The following INTS7 variants were observed in gnomAD, a reference collection of about 807,000 sequenced individuals.
INTS7 encodes the protein chromosome 1 open reading frame 73.
In INTS7, 46 loss-of-function variants were observed where a neutral mutation model predicts 109.2. The ratio of observed to expected loss-of-function variants is 0.42; its 90% CI spans 0.33 to 0.54. INTS7 has a LOEUF of 0.54. INTS7 is among the 20% of genes least tolerant of loss of function. INTS7 has a pLI of 0.07. For synonymous variants in INTS7, 412 were observed against 402.9 expected, an observed-to-expected ratio of 1.02 and a Z score of -0.27; for missense variants, 929 against 1,132.4, an observed-to-expected ratio of 0.82 and a Z score of 2.58.
rs756449271 is a variant in INTS7, at chr1:211,941,846, C to T, written c.2867G>A (p.Arg956His). 1.9e-6 allele frequency: 3 copies of T among 1,614,012 alleles called. No homozygotes were observed. Among genetic ancestry groups the T allele is most frequent in the East Asian group, 2.2e-5 (1 of 44,888 alleles). The part of the protein sequence containing the change: ...AQQPLQQQQQ[R>H]NAYTRF Reference sequence around the variant, plus strand: ...TGGTTAAAACCGTGTGTAGGCATTGCGTTGCTGCTGCTGCTGTAATGGCTG... The same window carrying T: ...TGGTTAAAACCGTGTGTAGGCATTGTGTTGCTGCTGCTGCTGTAATGGCTG... The change falls in exon 20 of 20, where the codon CGC becomes CAC. Residue 956 changes from arginine to histidine, a missense_variant. Physicochemically the swap from Arg to His is conservative, Grantham distance 29. Transcript: ENST00000366994.
chr1:211,952,161 C>T (rs1663122186), intron 17 of INTS7, among the ~76,000 whole-genome samples: 1 of 152,168 alleles, frequency 6.6e-6, no homozygotes, highest in African/African-American at 2.4e-5. Context: ...CTACTAATGC[C>T]TGGGCCACAA....
intron 16 of INTS7, among the ~76,000 whole-genome samples, chr1:211,958,157 C>T (rs1285624390): frequency 1.3e-5 from 2 of 151,638 alleles, no homozygotes; most frequent in African/African-American, 4.8e-5. Context: ...AATTTTCCTT[C>T]AGCCTAAAAA....
intron 17 of INTS7, among the ~76,000 whole-genome samples, chr1:211,950,291 G>A (rs1663028894): frequency 2.0e-5 from 3 of 152,166 alleles, no homozygotes; most frequent in Non-Finnish European, 1.5e-5. Flanking sequence ...ATTTATTTGA[G>A]ATGAAGTTTC....
chr1:212,006,664 T>C lies in INTS7; in HGVS notation c.854A>G (p.His285Arg). The change falls in exon 7 of 20, where the codon CAT becomes CGT. Residue 285 changes from histidine to arginine, a missense_variant. His to Arg is a conservative substitution (Grantham distance 29). Coordinates refer to ENST00000366994, the MANE Select transcript of INTS7 (RefSeq NM_015434.4). ...CTGAATATTCTCCCTACTCCAAGTA[T>C]GTGGTGTTTTATTAGCAAGTAATTT... Reference protein sequence around the residue: ...DLKLLANKTPHTWSRENIQAL... With the variant: ...DLKLLANKTPRTWSRENIQAL... 6.4e-7 allele frequency: 1 copy of C among 1,570,480 alleles called. No homozygotes were observed. Among genetic ancestry groups the C allele is most frequent in the Non-Finnish European group, 8.7e-7 (1 of 1,143,068 alleles).
rs12128764 is a variant in INTS7 at position 212,032,364 on chromosome 1, G to C, written c.94+2980C>G. On this transcript the variant is annotated intron_variant, in intron 1 of 19. Transcript: ENST00000366994. Reference sequence around the variant, plus strand: ...CCAGACTGATACTTTTCAAAGGAAAGTCAGATCATGTCACACACCTGCTGA... The same window carrying C: ...CCAGACTGATACTTTTCAAAGGAAACTCAGATCATGTCACACACCTGCTGA... Among the ~76,000 whole-genome samples the C allele has an allele frequency of 7.8e-3, 1,194 of 152,200 alleles. 5 individuals are homozygous for C. The highest frequency in any genetic ancestry group is 0.014 in the Non-Finnish European group (929 of 68,010).
chr1:211,976,649 T>G lies in INTS7; in HGVS notation c.1541A>C (p.Lys514Thr). Residue 514 changes from lysine (K) to threonine (T), a missense_variant, in exon 12 of 20, where the codon AAG (lysine) becomes ACG (threonine). Physicochemically the swap from Lys to Thr is moderately conservative, Grantham distance 78 (BLOSUM62 -1). Around this residue, in one of 2 missense-constraint regions of INTS7, gnomAD observed 787 missense variants for 901.1 expected, o/e 0.87. Transcript: ENST00000366994. Reference sequence around the variant, plus strand: ...ATTGGAGACACTTTCAAGCTGCTGCTTAATTACTGCCTTACTTTCCACAGA... The same window carrying G: ...ATTGGAGACACTTTCAAGCTGCTGCGTAATTACTGCCTTACTTTCCACAGA... ...ALSVESKAVI[K>T]QQLESVSNGW... 1 of 1,613,898 alleles carries G rather than the reference T, an allele frequency of 6.2e-7. No homozygotes were observed. The highest frequency in any genetic ancestry group is 1.1e-5 in the South Asian group (1 of 91,076).
intron 16 of INTS7, among the ~76,000 whole-genome samples, chr1:211,957,123 T>C (rs965156577): frequency 6.6e-6 from 1 of 152,226 alleles, no homozygotes; most frequent in South Asian, 2.1e-4. Context: ...TCTGTTCTAG[T>C]GGGAGTAGTA....
intron 7 of INTS7, among the ~76,000 whole-genome samples, chr1:211,998,466 G>T (rs1276304493): frequency 6.6e-6 from 1 of 152,196 alleles, no homozygotes; most frequent in Non-Finnish European, 1.5e-5. Context: ...AATGGGGAAA[G>T]AAAAGTTTTC....
chr1:211,943,188 C>T (rs1662708308), intron 19 of INTS7, among the ~76,000 whole-genome samples: 1 of 151,940 alleles, frequency 6.6e-6, no homozygotes, highest in Non-Finnish European at 1.5e-5. Context: ...CCTGATCACC[C>T]TGAATGGATG....
chr1:212,028,038 G>A (rs1667006169), intron 1 of INTS7, among the ~76,000 whole-genome samples: 1 of 152,076 alleles, frequency 6.6e-6, no homozygotes, highest in South Asian at 2.1e-4. Flanking sequence ...TGTTGGCCAG[G>A]CCAATCTCAA....
At chr1:212,015,862 A>G (rs183788721) in intron 4 of INTS7, among the ~76,000 whole-genome samples, 1,940 of 152,058 alleles carry the variant, frequency 0.013, 30 homozygotes, top group Non-Finnish European at 0.022. Context: ...ATTATATACC[A>G]TCTTACCAAG....
Position 211,941,901 on chromosome 1 carries a change from G to T in INTS7, c.2812C>A (p.Gln938Lys), listed in dbSNP as rs1185445089. The change falls in exon 20 of 20, where the codon CAA becomes AAA. Residue 938 changes from glutamine (Q) to lysine (K), a missense_variant. Coordinates refer to ENST00000366994, the MANE Select transcript of INTS7 (RefSeq NM_015434.4). The part of the protein sequence containing the change: ...VKSLEDPYSQ[Q>K]IRLQQQQAQQ... ...GCTTGCTGCTGTTGTAAGCGAATTTGCTGGGAATAAGGGTCTTCCAGGGAT... is the reference window on the plus strand; with the variant it reads ...GCTTGCTGCTGTTGTAAGCGAATTTTCTGGGAATAAGGGTCTTCCAGGGAT... The T allele has an allele frequency of 6.2e-7, 1 of 1,614,206 alleles. No homozygotes were observed. The highest frequency in any genetic ancestry group is 1.1e-5 in the South Asian group (1 of 91,078).
intron 5 of INTS7, among the ~76,000 whole-genome samples, chr1:212,009,439 G>C (rs1051828507): frequency 2.0e-5 from 3 of 152,110 alleles, no homozygotes; most frequent in African/African-American, 7.2e-5. Flanking sequence ...TTAACCAATG[G>C]AGAGCCCAGC....
intron 16 of INTS7, among the ~76,000 whole-genome samples, chr1:211,958,324 G>A (rs67471729): frequency 0.026 from 4,011 of 152,102 alleles, 77 homozygotes; most frequent in Non-Finnish European, 0.038. Context: ...CTTTAAAGAT[G>A]TTGCTCCACT....
chr1:211,969,061 G>A (rs1664040210), intron 13 of INTS7, among the ~76,000 whole-genome samples: 1 of 152,060 alleles, frequency 6.6e-6, no homozygotes, highest in African/African-American at 2.4e-5. Context: ...GAGGCGGGTG[G>A]ATCACAAGGT....
chr1:211,986,167 A>C (rs1435535107), intron 8 of INTS7, among the ~76,000 whole-genome samples: 3 of 152,178 alleles, frequency 2.0e-5, no homozygotes, highest in Non-Finnish European at 1.5e-5. Context: ...AAGTTAGCCC[A>C]CCAAGAGTCA....
intron 7 of INTS7, among the ~76,000 whole-genome samples, chr1:211,988,393 G>C (rs1266810286): frequency 6.6e-6 from 1 of 151,018 alleles, no homozygotes; most frequent in Non-Finnish European, 1.5e-5. Flanking sequence ...CTGCACTCCA[G>C]CCTGGGGGAC....
chr1:211,957,616 C>G (rs1457942468), intron 16 of INTS7, among the ~76,000 whole-genome samples: 4 of 152,122 alleles, frequency 2.6e-5, no homozygotes, highest in African/African-American at 9.7e-5. Context: ...GAATAGAAGT[C>G]TTTTGATAGA....
chr1:211,979,937 C>T (rs752214661), intron 10 of INTS7, among the ~76,000 whole-genome samples: 1 of 152,124 alleles, frequency 6.6e-6, no homozygotes, highest in Non-Finnish European at 1.5e-5. Flanking sequence ...TTGTGTTCCG[C>T]TTGGTATTAT....
Sources: gnomAD v4.1 joint callset for allele counts (sites outside exome capture counted in the v4.1 genomes callset) on GRCh38, gnomAD v4.1.1 for gene constraint, gnomAD v4.1.1 regional missense constraint, MANE v1.5 for transcripts, NCBI Gene and HGNC (gene_info 2026-07-23, HGNC 2026-07-21) for gene names.